The following ANK3 variants were observed in gnomAD, a reference collection of about 807,000 sequenced individuals.
ANK3 encodes the protein ankyrin-3.
In ANK3, 57 loss-of-function variants were observed where a neutral mutation model predicts 370.9. The observed-to-expected ratio is 0.15, with a 90% CI of 0.12 to 0.19. ANK3 has a LOEUF of 0.19. Ranked by LOEUF, ANK3 falls within the 10% of genes least tolerant of loss-of-function variation. ANK3 has a pLI of 1.00. For synonymous variants in ANK3, 1,929 were observed against 1,946.3 expected (o/e 0.99, Z 0.23); for missense variants, 4,439 against 5,302.1 (o/e 0.84, Z 5.06).
At position 60,215,381 on chromosome 10, in the gene ANK3, A is replaced by T. The variant is rs189048059; in HGVS notation, c.898-1871T>A. 6.0e-3 allele frequency among the ~76,000 whole-genome samples: 905 copies of T among 152,046 alleles called. 6 individuals are homozygous for T. Among genetic ancestry groups the T allele is most frequent in the African/African-American group, 0.021 (864 of 41,498 alleles). ...AGTTTAATTAGATCTCATTTGTCAAATTTAGCTTTTGTTGCCATTGCTTTT... is the reference window on the plus strand; with the variant it reads ...AGTTTAATTAGATCTCATTTGTCAATTTTAGCTTTTGTTGCCATTGCTTTT... On this transcript the variant is annotated intron_variant, in intron 8 of 43. Transcript: ENST00000280772.
chr10:60,390,762 ACACAAAC>A (rs1318948112), upstream of ANK3, among the ~76,000 whole-genome samples: 1 of 64,184 alleles, frequency 1.6e-5, no homozygotes, highest in East Asian at 6.4e-4. Flanking sequence ...ACACACACAC[ACACAAAC>A]AACAATTTCA....
intron 1 of ANK3, among the ~76,000 whole-genome samples, chr10:60,646,197 G>A (rs2078707584): frequency 6.6e-6 from 1 of 152,178 alleles, no homozygotes; most frequent in Admixed American, 6.5e-5. Flanking sequence ...AGAGTACAAT[G>A]AGTGAGGGAG....
intron 30 of ANK3, among the ~76,000 whole-genome samples, chr10:60,085,805 G>A (rs1564901120): frequency 6.6e-6 from 1 of 151,996 alleles, no homozygotes; most frequent in Non-Finnish European, 1.5e-5. Flanking sequence ...TAGTAGAGAC[G>A]GGGTTTCATC....
At chr10:60,240,187 T>TATATACGC (rs1565916809) in intron 7 of ANK3, among the ~76,000 whole-genome samples, 19 of 139,616 alleles carry the variant, frequency 1.4e-4, no homozygotes, top group African/African-American at 4.7e-4. Flanking sequence ...TATATACACA[T>TATATACGC]ATATATACAC....
intron 2 of ANK3, among the ~76,000 whole-genome samples, chr10:60,408,263 G>GT (rs1330890723): frequency 7.2e-5 from 11 of 152,158 alleles, no homozygotes; most frequent in Non-Finnish European, 1.5e-4. Context: ...CCTCCATCAT[G>GT]TTTAATTGTC....
chr10:60,719,957 T>C (rs1428667238), intron 1 of ANK3, among the ~76,000 whole-genome samples: 1 of 152,198 alleles, frequency 6.6e-6, no homozygotes, highest in African/African-American at 2.4e-5. Flanking sequence ...AGAGATTAGC[T>C]TCATTTTAAC....
At chr10:60,508,218 A>G (rs921723444) in intron 2 of ANK3, 4 of 152,222 alleles carry the variant, frequency 2.6e-5, no homozygotes, top group Admixed American at 6.6e-5. Context: ...TGTGAAATGC[A>G]ATGTGCTGTG....
chr10:60,234,254 T>C (rs1358192062), intron 8 of ANK3, among the ~76,000 whole-genome samples: 1 of 152,224 alleles, frequency 6.6e-6, no homozygotes, highest in Non-Finnish European at 1.5e-5. Context: ...GAAGTGAGAT[T>C]GCTGGATCAT....
intron 1 of ANK3, among the ~76,000 whole-genome samples, chr10:60,674,072 A>G (rs1160255289): frequency 2.0e-5 from 3 of 152,202 alleles, no homozygotes; most frequent in Admixed American, 2.0e-4. Context: ...GTTCCAAACT[A>G]AAGTCCATAC....
At chr10:60,671,965 C>T (rs1399063484) in intron 1 of ANK3, among the ~76,000 whole-genome samples, 2 of 152,218 alleles carry the variant, frequency 1.3e-5, no homozygotes, top group African/African-American at 4.8e-5. Flanking sequence ...TTGGCAGCAA[C>T]TTAGTGAGAG....
At chr10:60,661,463 G>A (rs2078934916) in intron 1 of ANK3, among the ~76,000 whole-genome samples, 1 of 151,888 alleles carries the variant, frequency 6.6e-6, no homozygotes, top group Admixed American at 6.6e-5. Flanking sequence ...AGATTATAAG[G>A]GCCTAATCAT....
At position 60,166,462 on chromosome 10, in the gene ANK3, A is replaced by G. The variant is rs139945460; in HGVS notation, c.2614+129T>C. ...ACCAGATATACATTATTTAAATAATACACAAATTAATAATCTCAAGATAAT... is the reference window on the plus strand; with the variant it reads ...ACCAGATATACATTATTTAAATAATGCACAAATTAATAATCTCAAGATAAT... On this transcript the variant is annotated intron_variant, in intron 23 of 43. Transcript: ENST00000280772. The G allele has an allele frequency of 6.8e-3, 4,825 of 712,264 alleles. 19 individuals carry two copies. Among genetic ancestry groups the G allele is most frequent in the Non-Finnish European group, 9.1e-3 (3,858 of 423,112 alleles). The allele number at this position is 712,264 out of a possible 1,614,324, so 44.1% of individuals were successfully genotyped here.
intron 40 of ANK3, chr10:60,060,022 C>T: frequency 6.5e-7 from 1 of 1,534,812 alleles, no homozygotes; most frequent in Non-Finnish European, 8.8e-7. Flanking sequence ...GAAGACAGTA[C>T]ATTTGGACTG....
At chr10:60,644,285 C>T (rs10821813) in intron 1 of ANK3, among the ~76,000 whole-genome samples, 40,840 of 151,892 alleles carry the variant, frequency 0.27, 6,619 homozygotes, top group South Asian at 0.49. Flanking sequence ...TCTGCCCAAA[C>T]CAATAAATAT....
chr10:60,631,894 T>A (rs985328212), intron 1 of ANK3, among the ~76,000 whole-genome samples: 1 of 152,212 alleles, frequency 6.6e-6, no homozygotes, highest in African/African-American at 2.4e-5. Context: ...TAACTATTTA[T>A]GGTAAGGCTA....
chr10:60,171,281 T>G (rs2095786695), intron 21 of ANK3, among the ~76,000 whole-genome samples: 1 of 152,208 alleles, frequency 6.6e-6, no homozygotes, highest in East Asian at 1.9e-4. Context: ...ATTACAAAAT[T>G]TTTCTCCCGT....
intron 2 of ANK3, among the ~76,000 whole-genome samples, chr10:60,594,812 T>C (rs767397877): frequency 6.6e-6 from 1 of 152,116 alleles, no homozygotes; most frequent in Admixed American, 6.6e-5. Flanking sequence ...ATGAGGTCTT[T>C]GAGAGGTTTA....
chr10:60,100,724 C>T (rs964034103), intron 28 of ANK3, among the ~76,000 whole-genome samples: 14 of 152,114 alleles, frequency 9.2e-5, no homozygotes, highest in African/African-American at 3.4e-4. Flanking sequence ...TGTTCCAAGA[C>T]AGCGATTGGG....
At chr10:60,088,671 C>T (rs944420830) in intron 28 of ANK3, among the ~76,000 whole-genome samples, 14 of 152,104 alleles carry the variant, frequency 9.2e-5, no homozygotes, top group African/African-American at 3.4e-4. Context: ...GTGATCTGCC[C>T]GCCTCGACCT....
Sources: allele counts gnomAD v4.1 joint callset (sites outside exome capture counted in the v4.1 genomes callset), GRCh38; gene constraint gnomAD v4.1.1; transcripts MANE v1.5; gene names NCBI Gene and HGNC (gene_info 2026-07-23, HGNC 2026-07-21).